NSMCE2: variants seen among roughly 807,000 people sequenced by gnomAD.
NSMCE2 encodes E3 SUMO-protein ligase NSE2.
NSMCE2 carries 24 observed loss-of-function variants against 23.8 expected under a neutral mutation model. The ratio of observed to expected loss-of-function variants is 1.01; its 90% confidence interval spans 0.73 to 1.42. The LOEUF (loss-of-function observed/expected upper bound fraction) is 1.42. Among genes scored for constraint, NSMCE2 ranks in the 40% most tolerant of loss-of-function variants. The pLI, the probability that NSMCE2 is intolerant of heterozygous loss-of-function variation, is 0.00. For missense variants in NSMCE2, 284 were observed against 296.5 expected, an observed-to-expected ratio of 0.96 and a Z score of 0.31; for synonymous variants, 92 against 94.1, an observed-to-expected ratio of 0.98 and a Z score of 0.13.
At chr8:125,366,647 G>A in intron 7 of NSMCE2, 121 bp from the exon 8 acceptor site, 1 of 688,058 alleles carries the variant, frequency 1.5e-6, no homozygotes, top group Non-Finnish European at 2.6e-6. Context: ...AGCACAGCTT[G>A]GTCCTGATTT....
intron 5 of NSMCE2, among the ~76,000 whole-genome samples, chr8:125,196,941 C>G (rs996322245): frequency 2.0e-5 from 3 of 152,218 alleles, no homozygotes; most frequent in Non-Finnish European, 2.9e-5. Flanking sequence ...TTGCATTTCT[C>G]TGATGACCAG....
chr8:125,155,383 C>T (rs1298052155), intron 4 of NSMCE2, among the ~76,000 whole-genome samples: 2 of 152,090 alleles, frequency 1.3e-5, no homozygotes, highest in African/African-American at 2.4e-5. Context: ...TTCAGAGTGC[C>T]TTAATCAATC....
intron 5 of NSMCE2, among the ~76,000 whole-genome samples, chr8:125,278,189 G>C (rs944229977): frequency 6.6e-6 from 1 of 152,048 alleles, no homozygotes; most frequent in Non-Finnish European, 1.5e-5. Flanking sequence ...ATTTTGTTTT[G>C]TTTTCTTTTA....
chr8:125,157,692 C>T (rs372644459), intron 4 of NSMCE2, among the ~76,000 whole-genome samples: 8 of 152,250 alleles, frequency 5.3e-5, no homozygotes, highest in African/African-American at 1.9e-4. Context: ...AGTAACATAG[C>T]TGCTAATAGG....
intron 5 of NSMCE2, among the ~76,000 whole-genome samples, chr8:125,252,203 A>T (rs1307077785): frequency 6.6e-6 from 1 of 152,202 alleles, no homozygotes; most frequent in Non-Finnish European, 1.5e-5. Flanking sequence ...GAAAGGGATG[A>T]CAGAAAGAAG....
At chr8:125,202,088 G>T (rs549073071) in intron 5 of NSMCE2, among the ~76,000 whole-genome samples, 2 of 152,354 alleles carry the variant, frequency 1.3e-5, no homozygotes, top group African/African-American at 4.8e-5. Context: ...GTATTTTGGC[G>T]AGAGTGTCCT....
chr8:125,277,632 G>A (rs1003007605), intron 5 of NSMCE2, among the ~76,000 whole-genome samples: 1 of 151,684 alleles, frequency 6.6e-6, no homozygotes, highest in African/African-American at 2.4e-5. Context: ...TCAGCCTCCC[G>A]AGTAGCTGGG....
intron 4 of NSMCE2, among the ~76,000 whole-genome samples, chr8:125,155,379 G>C (rs1460914158): frequency 6.6e-6 from 1 of 152,168 alleles, no homozygotes; most frequent in Non-Finnish European, 1.5e-5. Context: ...CAGCTTCAGA[G>C]TGCCTTAATC....
chr8:125,196,240 A>C (rs1317535567), intron 5 of NSMCE2, among the ~76,000 whole-genome samples: 3 of 147,154 alleles, frequency 2.0e-5, no homozygotes, highest in Non-Finnish European at 4.5e-5. Context: ...TCTAGGGTAC[A>C]TGTGCACAAC....
intron 5 of NSMCE2, among the ~76,000 whole-genome samples, chr8:125,241,547 T>C (rs1825765179): frequency 6.6e-6 from 1 of 152,242 alleles, no homozygotes; most frequent in Non-Finnish European, 1.5e-5. Context: ...GTTACAGATT[T>C]ATGTGTCATA....
At chr8:125,281,745 CTT>C (rs796070486) in intron 5 of NSMCE2, among the ~76,000 whole-genome samples, 10 of 142,842 alleles carry the variant, frequency 7.0e-5, no homozygotes, top group African/African-American at 1.0e-4. Flanking sequence ...ACGGCCGTAA[CTT>C]TTTTTTTTTT....
chr8:125,274,612 T>TG (rs1173848686), intron 5 of NSMCE2, among the ~76,000 whole-genome samples: 1 of 152,162 alleles, frequency 6.6e-6, no homozygotes, highest in Non-Finnish European at 1.5e-5. Flanking sequence ...TCAGTTTCAC[T>TG]GACAAGGAAT....
At chr8:125,117,226 A>T (rs1819046989) in intron 3 of NSMCE2, among the ~76,000 whole-genome samples, 2 of 145,894 alleles carry the variant, frequency 1.4e-5, no homozygotes, top group African/African-American at 5.1e-5. Flanking sequence ...TTGGCTTTTT[A>T]TTTTTTTTTC....
chr8:125,203,890 G>A (rs1364650348), intron 5 of NSMCE2, among the ~76,000 whole-genome samples: 2 of 152,076 alleles, frequency 1.3e-5, no homozygotes, highest in Non-Finnish European at 1.5e-5. Flanking sequence ...TTGAAAGTAG[G>A]AGAAAAAAAT....
intron 5 of NSMCE2, among the ~76,000 whole-genome samples, chr8:125,349,808 A>G (rs557840705): frequency 1.3e-5 from 2 of 152,272 alleles, no homozygotes; most frequent in South Asian, 4.1e-4. Flanking sequence ...TGTAATTACC[A>G]CACAGCCTAC....
At chr8:125,198,936 AT>A (rs1430802311) in intron 5 of NSMCE2, among the ~76,000 whole-genome samples, 1 of 152,082 alleles carries the variant, frequency 6.6e-6, no homozygotes, top group African/African-American at 2.4e-5. Flanking sequence ...GTGTCCAGGA[AT>A]TTATCCATTT....
At chr8:125,294,043 T>C (rs191853786) in intron 5 of NSMCE2, among the ~76,000 whole-genome samples, 68 of 152,374 alleles carry the variant, frequency 4.5e-4, no homozygotes, top group Middle Eastern at 6.8e-3. Context: ...TTGGGACGTT[T>C]CATATAAACA....
intron 3 of NSMCE2, among the ~76,000 whole-genome samples, chr8:125,150,947 T>G (rs529030667): frequency 6.6e-6 from 1 of 152,306 alleles, no homozygotes; most frequent in Non-Finnish European, 1.5e-5. Flanking sequence ...TTGAGCTGTC[T>G]TCTACTGAGT....
chr8:125,290,089 C>G (rs1277527962), intron 5 of NSMCE2, among the ~76,000 whole-genome samples: 1 of 152,090 alleles, frequency 6.6e-6, no homozygotes, highest in African/African-American at 2.4e-5. Context: ...AACTTCTAGA[C>G]AAGCACCTGA....
Sources: gnomAD v4.1 joint callset for allele counts (sites outside exome capture counted in the v4.1 genomes callset) on GRCh38, gnomAD v4.1.1 for gene constraint, MANE v1.5 for transcripts, NCBI Gene and HGNC (gene_info 2026-07-23, HGNC 2026-07-21) for gene names.